CELF4: variants seen among roughly 807,000 people sequenced by gnomAD.
The protein encoded by CELF4 is CUGBP Elav-like family member 4, also known as CUG-BP- and ETR-3-like factor 4.
Under a neutral mutation model 59.9 loss-of-function variants are expected in CELF4, and 18 were observed. The observed-to-expected ratio is 0.30, with a 90% CI of 0.21 to 0.45. The LOEUF is 0.45. Among genes scored for constraint, CELF4 ranks in the 20% least tolerant of loss-of-function variants. The pLI is 1.00. For synonymous variants in CELF4, 261 were observed against 267.1 expected, an observed-to-expected ratio of 0.98 and a Z score of 0.22; for missense variants, 456 against 689.0, an observed-to-expected ratio of 0.66 and a Z score of 3.79.
chr18:37,275,072 G>A, intron 4 of CELF4, 43 bp downstream of exon 4: 1 of 1,604,466 alleles, frequency 6.2e-7, no homozygotes, highest in South Asian at 1.1e-5. Context: ...CCTCCGCCTC[G>A]CCCCTCCCTC....
chr18:37,274,447 G>A lies in CELF4; in HGVS notation c.665C>T (p.Ser222Leu). ...LHGSQTMPGA[S>L]SSLVVKFADT... ...GGCGAACTTGACCACCAGACTGGAC[G>A]AGGCTCCCTGCGGCCGGGGCGGCGC... The change falls in exon 6 of 13, where the codon TCG (serine) becomes TTG (leucine). Residue 222 changes from serine (S) to leucine (L), a missense_variant. By Grantham distance (145) the Ser-to-Leu change is moderately radical. Coordinates refer to ENST00000420428, the MANE Select transcript of CELF4 (RefSeq NM_020180.4). 3 of 1,612,840 alleles carry A rather than the reference G, an allele frequency of 1.9e-6. No individual in the cohort carries two copies. Among genetic ancestry groups the A allele is most frequent in the Non-Finnish European group, 8.5e-7 (1 of 1,179,718 alleles).
intron 1 of CELF4, among the ~76,000 whole-genome samples, chr18:37,552,015 C>G (rs754666049): frequency 6.6e-6 from 1 of 152,222 alleles, no homozygotes; most frequent in Non-Finnish European, 1.5e-5. Flanking sequence ...AGCTCTCCAG[C>G]CTTCCTGCTC....
At chr18:37,251,631 C>G (rs1386701959) in intron 12 of CELF4, among the ~76,000 whole-genome samples, 3 of 152,174 alleles carry the variant, frequency 2.0e-5, no homozygotes, top group Non-Finnish European at 4.4e-5. Context: ...GCACCCTAAC[C>G]CAGGTCACAC....
chr18:37,490,144 G>A (rs2099896257), intron 1 of CELF4, among the ~76,000 whole-genome samples: 1 of 152,204 alleles, frequency 6.6e-6, no homozygotes, highest in Non-Finnish European at 1.5e-5. Context: ...AAAGCAAGTT[G>A]TGAAATAATA....
chr18:37,265,237 G>A (rs2076981800), intron 9 of CELF4, among the ~76,000 whole-genome samples: 1 of 152,004 alleles, frequency 6.6e-6, no homozygotes, highest in Admixed American at 6.5e-5. Context: ...GCGCGCACGT[G>A]CACTTGTGTA....
chr18:37,445,111 C>G (rs901479836), intron 2 of CELF4, among the ~76,000 whole-genome samples: 2 of 152,156 alleles, frequency 1.3e-5, no homozygotes, highest in Non-Finnish European at 2.9e-5. Context: ...ACCTTTTAAC[C>G]AGCACCTCTA....
intron 2 of CELF4, among the ~76,000 whole-genome samples, chr18:37,425,063 T>C (rs1299116571): frequency 6.6e-6 from 1 of 152,210 alleles, no homozygotes; most frequent in East Asian, 1.9e-4. Context: ...CCTATATTGC[T>C]GTGGGACCCA....
chr18:37,377,294 C>T (rs2098982478), intron 2 of CELF4, among the ~76,000 whole-genome samples: 1 of 152,132 alleles, frequency 6.6e-6, no homozygotes, highest in African/African-American at 2.4e-5. Flanking sequence ...CTGCAGGACC[C>T]TGAGGTCTAC....
chr18:37,316,036 A>T (rs2096857737), intron 3 of CELF4, among the ~76,000 whole-genome samples: 1 of 152,076 alleles, frequency 6.6e-6, no homozygotes, highest in Admixed American at 6.5e-5. Flanking sequence ...GGAGGAGAGG[A>T]AGTGGTCAGG....
chr18:37,523,818 T>A (rs1224658284), intron 1 of CELF4, among the ~76,000 whole-genome samples: 1 of 151,956 alleles, frequency 6.6e-6, no homozygotes, highest in Admixed American at 6.6e-5. Flanking sequence ...CAGCTGCTGA[T>A]CTATCAGTTT....
At chr18:37,274,088 GAC>G (rs2092476746) in intron 6 of CELF4, 3 of 1,379,554 alleles carry the variant, frequency 2.2e-6, no homozygotes, top group Non-Finnish European at 2.8e-6. Context: ...TTAGAACTAA[GAC>G]AGCAGCCCAC....
chr18:37,524,736 C>T (rs2099961584), intron 1 of CELF4, among the ~76,000 whole-genome samples: 3 of 152,214 alleles, frequency 2.0e-5, no homozygotes, highest in Non-Finnish European at 4.4e-5. Flanking sequence ...GAGCGGCCCA[C>T]AGCCCCTGCT....
chr18:37,386,777 T>C (rs1237767573), intron 2 of CELF4, among the ~76,000 whole-genome samples: 1 of 152,212 alleles, frequency 6.6e-6, no homozygotes, highest in Non-Finnish European at 1.5e-5. Context: ...TAGTTTCCTC[T>C]CTAGGGTTTC....
intron 3 of CELF4, among the ~76,000 whole-genome samples, chr18:37,313,317 G>A (rs1442647246): frequency 1.3e-5 from 2 of 152,154 alleles, no homozygotes; most frequent in Non-Finnish European, 2.9e-5. Flanking sequence ...AGCCCCTCCT[G>A]CCTGGGCCGA....
chr18:37,472,728 G>T (rs545962716), intron 2 of CELF4, among the ~76,000 whole-genome samples: 1 of 152,126 alleles, frequency 6.6e-6, no homozygotes, highest in African/African-American at 2.4e-5. Context: ...CCTGCCCAGC[G>T]GCATGGAGGG....
intron 2 of CELF4, among the ~76,000 whole-genome samples, chr18:37,426,583 C>T (rs1287305886): frequency 6.6e-6 from 1 of 152,176 alleles, no homozygotes; most frequent in Non-Finnish European, 1.5e-5. Context: ...ATTGCATTTC[C>T]TAAGTGGGGT....
chr18:37,307,876 C>T (rs1361260566), intron 3 of CELF4, among the ~76,000 whole-genome samples: 1 of 152,164 alleles, frequency 6.6e-6, no homozygotes. Flanking sequence ...CTGGACAAAG[C>T]ATTGCAGTGG....
chr18:37,413,196 A>T (rs1471522707), intron 2 of CELF4, among the ~76,000 whole-genome samples: 1 of 152,168 alleles, frequency 6.6e-6, no homozygotes, highest in East Asian at 1.9e-4. Flanking sequence ...CTTACTCAGA[A>T]TGAAGGCTTG....
intron 1 of CELF4, among the ~76,000 whole-genome samples, chr18:37,517,670 C>T (rs1232519589): frequency 1.3e-5 from 2 of 152,314 alleles, no homozygotes; most frequent in Non-Finnish European, 2.9e-5. Context: ...TCCCTGCCTT[C>T]TCTTGTCTCC....
Sources: allele counts gnomAD v4.1 joint callset (sites outside exome capture counted in the v4.1 genomes callset), GRCh38; gene constraint gnomAD v4.1.1; transcripts MANE v1.5; gene names NCBI Gene and HGNC (gene_info 2026-07-23, HGNC 2026-07-21).